The following DOK5 variants were observed in gnomAD, a reference collection of about 807,000 sequenced individuals.
DOK5 encodes the protein downstream of tyrosine kinase 5.
A neutral mutation model predicts 43.3 loss-of-function variants in DOK5; 27 were observed. That is an observed-to-expected ratio of 0.62 (90% CI 0.46 to 0.86). DOK5 has a LOEUF of 0.86. Ranked by LOEUF, DOK5 falls within the 40% of genes least tolerant of loss-of-function variation. The pLI is 0.00. For synonymous variants in DOK5, 146 were observed against 140.1 expected, an observed-to-expected ratio of 1.04 and a Z score of -0.30; for missense variants, 373 against 392.9, an observed-to-expected ratio of 0.95 and a Z score of 0.43.
chr20:54,485,186 C>T lies in DOK5; in HGVS notation c.66+9174C>T, dbSNP rs565772973. Among the ~76,000 whole-genome samples the T allele has an allele frequency of 9.2e-5, 14 of 151,918 alleles. No homozygotes were observed. In the East Asian group the frequency reaches 2.7e-3, roughly 29 times the overall value. On this transcript the variant is annotated intron_variant, in intron 1 of 7. Coordinates refer to ENST00000262593, the MANE Select transcript of DOK5 (RefSeq NM_018431.5). ...CTCTACTAAAAATACAAAAATTAGT[C>T]GGGCATGGTGGAGAGCTACTCAGGA...
chr20:54,508,812 T>A (rs1982909767), intron 1 of DOK5, among the ~76,000 whole-genome samples: 1 of 152,044 alleles, frequency 6.6e-6, no homozygotes, highest in Non-Finnish European at 1.5e-5. Context: ...ACTCCTGACC[T>A]CAGGTGATCT....
chr20:54,548,705 A>G (rs1984428008), intron 1 of DOK5, among the ~76,000 whole-genome samples: 1 of 152,234 alleles, frequency 6.6e-6, no homozygotes, highest in Non-Finnish European at 1.5e-5. Flanking sequence ...CAGTTGAATG[A>G]ATTAATTTTT....
intron 6 of DOK5, among the ~76,000 whole-genome samples, chr20:54,621,706 G>T (rs959835399): frequency 6.6e-6 from 1 of 151,506 alleles, no homozygotes; most frequent in Non-Finnish European, 1.5e-5. Flanking sequence ...AAAAAATCAC[G>T]ATTAAAGATG....
chr20:54,606,255 T>G (rs534718804), intron 5 of DOK5, among the ~76,000 whole-genome samples: 1 of 152,356 alleles, frequency 6.6e-6, no homozygotes, highest in South Asian at 2.1e-4. Context: ...CAGAGGAAAT[T>G]AGAAAGGCCT....
rs11449629 is a variant in DOK5 at position 54,621,688 on chromosome 20, C to CAA, written c.735+11177_735+11178dup. Among the ~76,000 whole-genome samples, 586 of 132,878 alleles carry CAA rather than the reference C, an allele frequency of 4.4e-3. 1 individual carries two copies. Among genetic ancestry groups the CAA allele is most frequent in the African/African-American group, 0.015 (560 of 36,532 alleles). 87.2% of individuals were successfully genotyped at this position (132,878 alleles called of 152,430 possible). On this transcript the variant is annotated intron_variant, in intron 6 of 7. Transcript: ENST00000262593. ...TGGGCAATAGAACGAGACTCGGCCT[C>CAA]AAAAAAAAAAAAATCACGATTAAAG...
chr20:54,497,481 G>T (rs143354259), intron 1 of DOK5, among the ~76,000 whole-genome samples: 2 of 152,238 alleles, frequency 1.3e-5, no homozygotes, highest in African/African-American at 4.8e-5. Flanking sequence ...GGAGTGGAAG[G>T]TTAAAAGGTG....
intron 2 of DOK5, among the ~76,000 whole-genome samples, chr20:54,556,812 G>A (rs1984723230): frequency 6.6e-6 from 1 of 152,038 alleles, no homozygotes; most frequent in Non-Finnish European, 1.5e-5. Flanking sequence ...GTGGCCTTTT[G>A]GTCCTTTTTT....
intron 2 of DOK5, among the ~76,000 whole-genome samples, chr20:54,582,060 G>A (rs78132879): frequency 0.018 from 2,793 of 151,836 alleles, 85 homozygotes; most frequent in African/African-American, 0.064. Context: ...CTCCCATTTT[G>A]TTGAGTGTTT....
At chr20:54,569,942 G>A (rs1985231386) in intron 2 of DOK5, among the ~76,000 whole-genome samples, 1 of 152,154 alleles carries the variant, frequency 6.6e-6, no homozygotes, top group Non-Finnish European at 1.5e-5. Context: ...TCTTTCTTAA[G>A]AAAATTTTAA....
intron 5 of DOK5, among the ~76,000 whole-genome samples, chr20:54,607,115 G>C (rs1181950557): frequency 6.6e-6 from 1 of 152,172 alleles, no homozygotes; most frequent in African/African-American, 2.4e-5. Context: ...CACCTGGCTG[G>C]CCTGCCATCT....
chr20:54,535,579 G>T (rs528124399), intron 1 of DOK5, among the ~76,000 whole-genome samples: 1 of 151,370 alleles, frequency 6.6e-6, no homozygotes, highest in Non-Finnish European at 1.5e-5. Context: ...GCTACAGCTT[G>T]TTTTTAACAA....
At chr20:54,527,787 G>GA (rs1208501515) in intron 1 of DOK5, among the ~76,000 whole-genome samples, 6 of 152,092 alleles carry the variant, frequency 3.9e-5, no homozygotes, top group Non-Finnish European at 8.8e-5. Context: ...GTATGCATTA[G>GA]AAAAAAATAG....
rs191432030 is a variant in DOK5, at chr20:54,560,873, T to C, written c.174+5833T>C. ...CTGACCTCAAGTGATCCACCCACCTTGGCCTCCCAAAGTGCTGGGATTACA... is the reference window on the plus strand; with the variant it reads ...CTGACCTCAAGTGATCCACCCACCTCGGCCTCCCAAAGTGCTGGGATTACA... On this transcript the variant is annotated intron_variant, in intron 2 of 7. Coordinates refer to ENST00000262593, the MANE Select transcript of DOK5 (RefSeq NM_018431.5). 2.1e-4 allele frequency among the ~76,000 whole-genome samples: 32 copies of C among 152,130 alleles called. No individual in the cohort carries two copies. In the East Asian group the frequency reaches 5.6e-3, roughly 27 times the overall value.
chr20:54,513,968 G>A (rs947766892), intron 1 of DOK5, among the ~76,000 whole-genome samples: 1 of 152,132 alleles, frequency 6.6e-6, no homozygotes, highest in Non-Finnish European at 1.5e-5. Context: ...CCTCCCATCT[G>A]GAATTTTGAG....
At chr20:54,570,366 T>C (rs1183308773) in intron 2 of DOK5, among the ~76,000 whole-genome samples, 1 of 152,238 alleles carries the variant, frequency 6.6e-6, no homozygotes. Flanking sequence ...CTTGTGCCTC[T>C]TTATTTTCGG....
At chr20:54,505,942 G>T (rs1038010684) in intron 1 of DOK5, among the ~76,000 whole-genome samples, 1 of 152,118 alleles carries the variant, frequency 6.6e-6, no homozygotes, top group Non-Finnish European at 1.5e-5. Flanking sequence ...CCACAGACAG[G>T]ATGTTGCATT....
At chr20:54,504,575 A>G (rs1982734619) in intron 1 of DOK5, among the ~76,000 whole-genome samples, 1 of 152,148 alleles carries the variant, frequency 6.6e-6, no homozygotes, top group South Asian at 2.1e-4. Context: ...GCCTCTCCCA[A>G]TACAGTTTCT....
At chr20:54,626,971 G>A (rs901583242) in intron 6 of DOK5, among the ~76,000 whole-genome samples, 18 of 152,176 alleles carry the variant, frequency 1.2e-4, no homozygotes, top group African/African-American at 3.6e-4. Flanking sequence ...CAGCAGAGTC[G>A]AGTAGTTGGT....
intron 2 of DOK5, among the ~76,000 whole-genome samples, chr20:54,579,495 T>G (rs899644549): frequency 1.3e-5 from 2 of 152,102 alleles, no homozygotes; most frequent in African/African-American, 4.8e-5. Flanking sequence ...ATAGCAGATC[T>G]CTAGGGCTTT....
Sources: gnomAD v4.1 joint callset for allele counts (sites outside exome capture counted in the v4.1 genomes callset) on GRCh38, gnomAD v4.1.1 for gene constraint, MANE v1.5 for transcripts, NCBI Gene and HGNC (gene_info 2026-07-23, HGNC 2026-07-21) for gene names.